The following SART1 variants were observed in gnomAD, a reference collection of about 807,000 sequenced individuals.
SART1 encodes U4/U6.U5 tri-snRNP-associated protein 1.
SART1 carries 28 observed loss-of-function variants against 105.0 expected under a neutral mutation model. The observed-to-expected ratio is 0.27, with a 90% CI of 0.20 to 0.37. SART1 has a LOEUF of 0.37. SART1 is among the 10% of genes least tolerant of loss of function. The pLI is 1.00. For missense variants in SART1, 894 were observed against 1,106.5 expected, an observed-to-expected ratio of 0.81 and a Z score of 2.72; for synonymous variants, 472 against 462.9, an observed-to-expected ratio of 1.02 and a Z score of -0.25.
Position 65,976,892 on chromosome 11 carries a change from C to G in SART1, c.1858-122C>G, listed in dbSNP as rs1449268449. 1.8e-6 allele frequency: 2 copies of G among 1,116,970 alleles called. No individual in the cohort carries two copies. Among genetic ancestry groups the G allele is most frequent in the African/African-American group, 3.1e-5 (2 of 64,980 alleles). 69.2% of individuals were successfully genotyped at this position (1,116,970 alleles called of 1,614,324 possible). ...GGCTCTGCAGACCTCCCAGGGCGATCTGAGGAGTAAATGAGGAAATTAAAT... is the reference window on the plus strand; with the variant it reads ...GGCTCTGCAGACCTCCCAGGGCGATGTGAGGAGTAAATGAGGAAATTAAAT... On this transcript the variant is annotated intron_variant, in intron 14 of 19. Coordinates refer to ENST00000312397, the MANE Select transcript of SART1 (RefSeq NM_005146.5). The surrounding 1 kb of genome is among the most constrained non-coding windows in gnomAD (Gnocchi z 5.1).
chr11:65,967,300 C>T lies in SART1; in HGVS notation c.1230C>T (p.Arg410=), dbSNP rs1325446051. 1.2e-6 allele frequency: 2 copies of T among 1,613,952 alleles called. No individual in the cohort carries two copies. The highest frequency in any genetic ancestry group is 1.7e-5 in the Admixed American group (1 of 59,994). ...CCAAGCGGAGGGTGAAGAAAATCCG[C>T]AAGAAGGAGAAGGAGGTAGTAGTGC... ...KKTKRRVKKI[R]KKEKEVVVRA... The change falls in exon 10 of 20, where the codon CGC becomes CGT. Residue 410 remains arginine (R), a synonymous_variant. Transcript: ENST00000312397.
rs1168980907 is a variant in SART1, at chr11:65,979,109, G to T, written c.*79G>T. The T allele has an allele frequency of 2.5e-6, 4 of 1,575,928 alleles. No individual in the cohort carries two copies. The highest frequency in any genetic ancestry group is 3.5e-6 in the Non-Finnish European group (4 of 1,151,160). On this transcript the variant is annotated 3_prime_UTR_variant, in exon 20 of 20. Transcript: ENST00000312397. ...TCCTTATTTTTTCCTCCCTGGTCGTGGTACAGATTCCAGGGTTGGATCTTT... is the reference window on the plus strand; with the variant it reads ...TCCTTATTTTTTCCTCCCTGGTCGTTGTACAGATTCCAGGGTTGGATCTTT...
intron 12 of SART1, among the ~76,000 whole-genome samples, chr11:65,970,790 CTGAG>C (rs1855361126): frequency 1.1e-5 from 1 of 87,682 alleles, no homozygotes; most frequent in Non-Finnish European, 2.3e-5. Context: ...TCATGAGCTG[CTGAG>C]GGAGGGGGAT....
At position 65,965,527 on chromosome 11, in the gene SART1, G is replaced by C. The variant is rs1254108808; in HGVS notation, c.660+80G>C. The C allele has an allele frequency of 2.8e-6, 4 of 1,432,224 alleles. No individual in the cohort carries two copies. In the African/African-American group the frequency reaches 4.2e-5, roughly 15 times the overall value. The allele number at this position is 1,432,224 out of a possible 1,614,324, so 88.7% of individuals were successfully genotyped here. A position where few individuals can be genotyped will look rare whatever the true frequency, so the allele number is the denominator to read the frequency against. On this transcript the variant is annotated intron_variant, in intron 5 of 19. Coordinates refer to ENST00000312397, the MANE Select transcript of SART1 (RefSeq NM_005146.5). ...CACTGAGGCGGGGGCCAACCCCAGA[G>C]AGGTGAGACGGGGCTTGGAGAAGGG...
rs1398466975 is a variant in SART1 at position 65,976,692 on chromosome 11, G to C, written c.1783G>C (p.Gly595Arg). ...GGATGAGGAGCGCTCAGCCAACGGT[G>C]GCTCCGAATCTGACGGGGAGGAGAA... ...ERDEERSANG[G>R]SESDGEENIG... is the part of the protein sequence containing the mutation. Residue 595 changes from glycine (G) to arginine (R), a missense_variant, in exon 14 of 20, where the codon GGC (glycine) becomes CGC (arginine). Gly to Arg is a moderately radical substitution (Grantham distance 125). Coordinates refer to ENST00000312397, the MANE Select transcript of SART1 (RefSeq NM_005146.5). The surrounding 1 kb of genome is among the most constrained non-coding windows in gnomAD (Gnocchi z 5.1). 1 of 1,613,768 alleles carries C rather than the reference G, an allele frequency of 6.2e-7. No individual in the cohort carries two copies. The highest frequency in any genetic ancestry group is 1.7e-5 in the Admixed American group (1 of 60,006).
In SART1 at chr11:65,978,751, G is replaced by A; in HGVS notation, c.2263-42G>A. The stretch of plus-strand genomic sequence containing the variant: ...GCCGGGGCAGGGGTGGCTGGTGTGT[G>A]GGGCCTGCTGCAGCCCTTTCTGAGT... On this transcript the variant is annotated intron_variant, in intron 18 of 19. Coordinates refer to ENST00000312397, the MANE Select transcript of SART1 (RefSeq NM_005146.5). This position sits in a 1 kb window ranked among gnomAD's most constrained non-coding sequence, Gnocchi z 6.8. The A allele has an allele frequency of 6.2e-7, 1 of 1,613,800 alleles. No individual in the cohort carries two copies. The highest frequency in any genetic ancestry group is 1.1e-5 in the South Asian group (1 of 91,072).
chr11:65,973,856 A>G (rs576098924), intron 12 of SART1, among the ~76,000 whole-genome samples: 93 of 152,316 alleles, frequency 6.1e-4, no homozygotes, highest in Admixed American at 1.6e-3. Flanking sequence ...AAATCACAGA[A>G]GAGTCATACA....
rs1565317150 is a variant in SART1, at chr11:65,974,789, A to G, written c.1573-1606A>G. 2.6e-5 allele frequency among the ~76,000 whole-genome samples: 4 copies of G among 152,266 alleles called. No individual in the cohort carries two copies. In the South Asian group the frequency reaches 8.3e-4, roughly 32 times the overall value. Reference sequence around the variant, plus strand: ...GGTGGCTCACGTCTGTAACCCCAACACTTTGGGAGGCCAAGGCAGGCAAAT... The same window carrying G: ...GGTGGCTCACGTCTGTAACCCCAACGCTTTGGGAGGCCAAGGCAGGCAAAT... On this transcript the variant is annotated intron_variant, in intron 12 of 19. Transcript: ENST00000312397.
In SART1 at chr11:65,976,868, G is replaced by A. The variant is rs949467295; in HGVS notation, c.1857+102G>A. On this transcript the variant is annotated intron_variant, in intron 14 of 19. Transcript: ENST00000312397. The surrounding 1 kb of genome is among the most constrained non-coding windows in gnomAD (Gnocchi z 5.1). ...GCCTCAGCCTCCTCATCCAGAGTGG[G>A]CTCTGCAGACCTCCCAGGGCGATCT... is the stretch of plus-strand genomic sequence containing the variant. 8 of 1,175,276 alleles carry A rather than the reference G, an allele frequency of 6.8e-6. No homozygotes were observed. The highest frequency in any genetic ancestry group is 2.5e-5 in the East Asian group (1 of 39,458). The allele number at this position is 1,175,276 out of a possible 1,614,324, so 72.8% of individuals were successfully genotyped here.
Position 65,967,270 on chromosome 11 carries a change from A to G in SART1, c.1200A>G (p.Lys400=). ...YLTPEEMVTF[K]KTKRRVKKIR... is the part of the protein sequence containing the mutation. ...CCTCTTCCCTTAAGGTGACCTTTAAAAAGACCAAGCGGAGGGTGAAGAAAA... is the reference window on the plus strand; with the variant it reads ...CCTCTTCCCTTAAGGTGACCTTTAAGAAGACCAAGCGGAGGGTGAAGAAAA... The change falls in exon 10 of 20, where the codon AAA becomes AAG. Residue 400 remains lysine, a synonymous_variant. Transcript: ENST00000312397. 6.2e-7 allele frequency: 1 copy of G among 1,614,070 alleles called. No individual in the cohort carries two copies. Among genetic ancestry groups the G allele is most frequent in the Non-Finnish European group, 8.5e-7 (1 of 1,179,974 alleles).
At chr11:65,972,785 CAAA>C (rs563046172) in intron 12 of SART1, among the ~76,000 whole-genome samples, 6 of 105,956 alleles carry the variant, frequency 5.7e-5, no homozygotes, top group East Asian at 5.4e-4. Context: ...GATCCTGTCT[CAAA>C]AAAAAAAAAA....
chr11:65,970,817 G>A (rs1186620727), intron 12 of SART1, among the ~76,000 whole-genome samples: 1 of 50,624 alleles, frequency 2.0e-5, no homozygotes. Context: ...TGGGATTCAT[G>A]AGCTGAGGAG....
chr11:65,974,505 C>T (rs2134918957), intron 12 of SART1, among the ~76,000 whole-genome samples: 1 of 151,626 alleles, frequency 6.6e-6, no homozygotes, highest in East Asian at 1.9e-4. Flanking sequence ...ATGGTGAAAC[C>T]CTGTCTCTAC....
At chr11:65,971,667 C>T (rs557276842) in intron 12 of SART1, among the ~76,000 whole-genome samples, 48 of 150,100 alleles carry the variant, frequency 3.2e-4, no homozygotes, top group African/African-American at 9.6e-4. Context: ...GGATTAATGC[C>T]CTGAAGCAGT....
rs1565318358 is a variant in SART1 at position 65,977,001 on chromosome 11, A to C, written c.1858-13A>C. 6.2e-6 allele frequency: 10 copies of C among 1,611,270 alleles called. No homozygotes were observed. The highest frequency in any genetic ancestry group is 1.7e-4 in the Middle Eastern group (1 of 6,048). On this transcript the variant is annotated splice_polypyrimidine_tract_variant and intron_variant, in intron 14 of 19. Transcript: ENST00000312397. ...GTATGGCCTGCTAACCACCCCCGCC[A>C]CGTGTCCCGTAGTTCTCTGCTTCCT...
Position 65,963,352 on chromosome 11 carries a change from G to A in SART1, c.314-722G>A, listed in dbSNP as rs1016313258. 2.0e-4 allele frequency among the ~76,000 whole-genome samples: 31 copies of A among 152,254 alleles called. 1 individual carries two copies. The highest frequency in any genetic ancestry group is 6.7e-4 in the African/African-American group (28 of 41,554). On this transcript the variant is annotated intron_variant, in intron 1 of 19. Coordinates refer to ENST00000312397, the MANE Select transcript of SART1 (RefSeq NM_005146.5). The stretch of plus-strand genomic sequence containing the variant: ...AAAAGAACCCACTAGATTTAGAAAC[G>A]AGGAGGCTGGTGACCTTGGGGAGCC...
In SART1 at chr11:65,961,751, G is replaced by C. The variant is rs779286167; in HGVS notation, c.-30G>C. The stretch of plus-strand genomic sequence containing the variant: ...CCATTTTGCGTTGTCTGGGCTCGGC[G>C]GCAGCCGGGCTCGGAGTGGACGTGC... On this transcript the variant is annotated 5_prime_UTR_variant, in exon 1 of 20. Transcript: ENST00000312397. 2.7e-6 allele frequency: 4 copies of C among 1,467,764 alleles called. No homozygotes were observed. Among genetic ancestry groups the C allele is most frequent in the Non-Finnish European group, 9.0e-7 (1 of 1,114,708 alleles). 90.9% of individuals were successfully genotyped at this position (1,467,764 alleles called of 1,614,324 possible).
At chr11:65,970,006 A>G (rs1052937423) in intron 12 of SART1, among the ~76,000 whole-genome samples, 1 of 152,140 alleles carries the variant, frequency 6.6e-6, no homozygotes, top group Admixed American at 6.5e-5. Context: ...AGAGGCATGA[A>G]CCACCACACC....
chr11:65,973,006 TAAA>T lies in SART1; in HGVS notation c.1573-3383_1573-3381del, dbSNP rs370491203. Among the ~76,000 whole-genome samples, 481 of 151,834 alleles carry T rather than the reference TAAA, an allele frequency of 3.2e-3. 7 individuals are homozygous for T. The highest frequency in any genetic ancestry group is 0.011 in the African/African-American group (465 of 41,416). On this transcript the variant is annotated intron_variant, in intron 12 of 19. Coordinates refer to ENST00000312397, the MANE Select transcript of SART1 (RefSeq NM_005146.5). Reference sequence around the variant, plus strand: ...CAACACAGTGAAACCCTGTCTCTACTAAAAAAAATACAAAAAAATTAACCAGAC... The same window carrying T: ...CAACACAGTGAAACCCTGTCTCTACTAAAAATACAAAAAAATTAACCAGAC...
Sources: allele counts gnomAD v4.1 joint callset (sites outside exome capture counted in the v4.1 genomes callset), GRCh38; gene constraint gnomAD v4.1.1; non-coding constraint Gnocchi (gnomAD v3.1); transcripts MANE v1.5; gene names NCBI Gene and HGNC (gene_info 2026-07-23, HGNC 2026-07-21).